The following RBFOX1 variants were observed in gnomAD, a reference collection of about 807,000 sequenced individuals.
RBFOX1 encodes RNA binding fox-1 homolog 1.
RBFOX1 carries 8 observed loss-of-function variants against 57.7 expected under a neutral mutation model. The ratio of observed to expected loss-of-function variants is 0.14; its 90% CI spans 0.08 to 0.25. RBFOX1 has a LOEUF of 0.25. Among genes scored for constraint, RBFOX1 ranks in the 10% least tolerant of loss-of-function variants. RBFOX1 has a pLI of 1.00. For synonymous variants in RBFOX1, 326 were observed against 222.4 expected (o/e 1.47, Z -4.15); for missense variants, 611 against 548.5 (o/e 1.11, Z -1.14).
At chr16:6,641,400 T>C (rs75631405) in intron 2 of RBFOX1, among the ~76,000 whole-genome samples, 5,366 of 152,230 alleles carry the variant, frequency 0.035, 295 homozygotes, top group African/African-American at 0.12. Flanking sequence ...ATTGCTGTTT[T>C]GTTTTGGTGC....
rs72764930 is a variant in RBFOX1, at chr16:6,704,439, G to T, written c.-16+49789G>T. On this transcript the variant is annotated intron_variant, in intron 3 of 15. Transcript: ENST00000550418. ...GCTGCTCACCGTCTCTGCCCACATG[G>T]CTCTAGCTGGGCTCAGGACTTTCCT... is the stretch of plus-strand genomic sequence containing the variant. The T allele has an allele frequency of 2.0e-5, 3 of 152,398 alleles. No individual in the cohort carries two copies. In the East Asian group the frequency reaches 5.8e-4, roughly 29 times the overall value. The allele number at this position is 152,398 out of a possible 1,614,324, so 9.4% of individuals were successfully genotyped here.
intron 2 of RBFOX1, among the ~76,000 whole-genome samples, chr16:6,367,208 A>G (rs1441898303): frequency 6.6e-6 from 1 of 152,160 alleles, no homozygotes; most frequent in East Asian, 1.9e-4. Context: ...TGTAAGCTGG[A>G]CATTATGTCA....
rs1466478205 is a variant in RBFOX1 at position 6,999,223 on chromosome 16, TTA to T, written c.-15-52832_-15-52831del. On this transcript the variant is annotated intron_variant, in intron 3 of 15. Coordinates refer to ENST00000550418, the MANE Select transcript of RBFOX1 (RefSeq NM_018723.4). ...TATTTTTTATTTTTATTTATTTTTT[TTA>T]TTTATTTTTTTTTTTAGAGATCAGG... is the stretch of plus-strand genomic sequence containing the variant. Among the ~76,000 whole-genome samples, 84 of 99,720 alleles carry T rather than the reference TTA, an allele frequency of 8.4e-4. 2 individuals carry two copies. The highest frequency in any genetic ancestry group is 4.7e-3 in the East Asian group (19 of 4,014). The allele number at this position is 99,720 out of a possible 152,430, so 65.4% of individuals were successfully genotyped here. A position where few individuals can be genotyped will look rare whatever the true frequency, so the allele number is the denominator to read the frequency against.
chr16:7,454,388 A>G (rs2058054107), intron 4 of RBFOX1, among the ~76,000 whole-genome samples: 1 of 151,822 alleles, frequency 6.6e-6, no homozygotes, highest in South Asian at 2.1e-4. Context: ...AAACTGTACC[A>G]TATCAAAGGC....
chr16:5,983,915 T>TCCTCCCCCTCCTCCTCCC (rs2060225454), intron 4 of RBFOX1, among the ~76,000 whole-genome samples: 1 of 123,574 alleles, frequency 8.1e-6, no homozygotes, highest in African/African-American at 3.2e-5. Context: ...CTCCTCCTCT[T>TCCTCCCCCTCCTCCTCCC]CCTCCTCCTC....
At chr16:5,451,103 C>G (rs984406860) in intron 1 of RBFOX1, among the ~76,000 whole-genome samples, 1 of 152,160 alleles carries the variant, frequency 6.6e-6, no homozygotes, top group Non-Finnish European at 1.5e-5. Context: ...CGGATTGAGT[C>G]CCTGAACCAC....
At chr16:6,575,146 G>A (rs902732966) in intron 2 of RBFOX1, among the ~76,000 whole-genome samples, 6 of 151,892 alleles carry the variant, frequency 4.0e-5, no homozygotes, top group Admixed American at 6.6e-5. Flanking sequence ...ATTACGACAC[G>A]TTGTTTGAAA....
At chr16:7,708,660 G>T (rs1461619681) in intron 14 of RBFOX1, among the ~76,000 whole-genome samples, 2 of 152,146 alleles carry the variant, frequency 1.3e-5, no homozygotes, top group African/African-American at 2.4e-5. Context: ...AGCTGAATCA[G>T]GAGAAAAAGG....
At chr16:6,945,458 A>G (rs1354292357) in intron 3 of RBFOX1, among the ~76,000 whole-genome samples, 4 of 140,896 alleles carry the variant, frequency 2.8e-5, no homozygotes, top group South Asian at 2.3e-4. Flanking sequence ...TAAAGAAAAT[A>G]TGGATATTTT....
intron 4 of RBFOX1, among the ~76,000 whole-genome samples, chr16:7,495,504 T>G (rs1462284252): frequency 6.6e-6 from 1 of 152,236 alleles, no homozygotes; most frequent in Non-Finnish European, 1.5e-5. Context: ...TTTTTACTAA[T>G]AGGCATTTTG....
At chr16:5,316,864 G>T (rs183979358) in intron 1 of RBFOX1, among the ~76,000 whole-genome samples, 4 of 152,330 alleles carry the variant, frequency 2.6e-5, no homozygotes, top group Non-Finnish European at 5.9e-5. Context: ...GGTGCACTGA[G>T]TGGGGAAGAT....
At chr16:5,680,255 A>C (rs2050290989) in intron 3 of RBFOX1, among the ~76,000 whole-genome samples, 1 of 152,136 alleles carries the variant, frequency 6.6e-6, no homozygotes, top group African/African-American at 2.4e-5. Context: ...TGAAAATGGG[A>C]GCTCAGTCTG....
intron 3 of RBFOX1, among the ~76,000 whole-genome samples, chr16:5,754,413 C>A (rs1281911244): frequency 6.6e-6 from 1 of 151,806 alleles, no homozygotes; most frequent in East Asian, 1.9e-4. Context: ...CCCCTACACA[C>A]CTGTGGGTGT....
intron 2 of RBFOX1, among the ~76,000 whole-genome samples, chr16:6,414,910 T>A (rs1333462011): frequency 3.3e-5 from 5 of 152,072 alleles, no homozygotes; most frequent in Admixed American, 1.3e-4. Context: ...TGGGGTAGGA[T>A]GCAGAGCAAA....
intron 14 of RBFOX1, among the ~76,000 whole-genome samples, chr16:7,691,458 A>G (rs2147436825): frequency 6.6e-6 from 1 of 151,926 alleles, no homozygotes; most frequent in Middle Eastern, 3.4e-3. Flanking sequence ...GGAGAAAAGG[A>G]AGGAAAGGGT....
At chr16:7,197,214 T>A (rs1029329862) in intron 4 of RBFOX1, among the ~76,000 whole-genome samples, 18 of 152,172 alleles carry the variant, frequency 1.2e-4, no homozygotes, top group African/African-American at 4.3e-4. Context: ...CAAGCCTCCT[T>A]CATAGCCGTT....
chr16:6,691,853 G>A lies in RBFOX1; in HGVS notation c.-16+37203G>A, dbSNP rs113813151. On this transcript the variant is annotated intron_variant, in intron 3 of 15. Coordinates refer to ENST00000550418, the MANE Select transcript of RBFOX1 (RefSeq NM_018723.4). The stretch of plus-strand genomic sequence containing the variant: ...AAAGCTGAGCACTTTTCCTTGCTCT[G>A]GTCAGAGGAGAGAAGTGACAGTGGA... Among the ~76,000 whole-genome samples, 458 of 152,282 alleles carry A rather than the reference G, an allele frequency of 3.0e-3. 3 individuals are homozygous for A. Among genetic ancestry groups the A allele is most frequent in the African/African-American group, 0.01 (433 of 41,560 alleles).
intron 1 of RBFOX1, among the ~76,000 whole-genome samples, chr16:6,148,633 G>T (rs369162184): frequency 4.0e-4 from 61 of 152,316 alleles, no homozygotes; most frequent in African/African-American, 1.5e-3. Context: ...CCGAGTGACT[G>T]TGTTCTCTAA....
At chr16:6,057,032 G>A (rs561473619) in intron 1 of RBFOX1, 7 of 151,972 alleles carry the variant, frequency 4.6e-5, no homozygotes, top group Non-Finnish European at 8.8e-5. Context: ...CTTTTTCCCC[G>A]AAGAAAGAGA....
Sources: gnomAD v4.1 joint callset for allele counts (sites outside exome capture counted in the v4.1 genomes callset) on GRCh38, gnomAD v4.1.1 for gene constraint, MANE v1.5 for transcripts, NCBI Gene and HGNC (gene_info 2026-07-23, HGNC 2026-07-21) for gene names.